ACLY: variants seen among roughly 807,000 people sequenced by gnomAD.
ACLY encodes the protein ATP-citrate synthase.
ACLY carries 41 observed loss-of-function variants against 133.0 expected under a neutral mutation model. That is an observed-to-expected ratio of 0.31 (90% CI 0.24 to 0.40). ACLY has a LOEUF of 0.40. ACLY is among the 10% of genes least tolerant of loss of function. The pLI is 1.00. For missense variants in ACLY, 1,046 were observed against 1,453.8 expected (o/e 0.72, Z 4.56); for synonymous variants, 495 against 549.3 (o/e 0.90, Z 1.38).
intron 10 of ACLY, among the ~76,000 whole-genome samples, chr17:41,903,432 T>C (rs982588773): frequency 6.6e-6 from 1 of 151,796 alleles, no homozygotes; most frequent in Non-Finnish European, 1.5e-5. Flanking sequence ...TTCCAATCTT[T>C]TGGAAAAAGG....
intron 7 of ACLY, among the ~76,000 whole-genome samples, 180 bp from the exon 8 acceptor site, chr17:41,906,826 A>C (rs1289267329): frequency 6.6e-6 from 1 of 152,190 alleles, no homozygotes; most frequent in Non-Finnish European, 1.5e-5. Context: ...TCCAAGTACC[A>C]AAAACACCCA....
intron 14 of ACLY, among the ~76,000 whole-genome samples, 162 bp downstream of exon 14, chr17:41,896,458 C>T (rs539468299): frequency 4.6e-5 from 7 of 152,188 alleles, no homozygotes; most frequent in Admixed American, 4.6e-4. Flanking sequence ...GGAGGAAGAG[C>T]GAAGACTTAG....
At chr17:41,882,391 A>AAAAAAAAAAAAAAAAAAAT (rs2048941475) in intron 20 of ACLY, among the ~76,000 whole-genome samples, 1 of 149,500 alleles carries the variant, frequency 6.7e-6, no homozygotes, top group Non-Finnish European at 1.5e-5. Context: ...AAAAAAAAAA[A>AAAAAAAAAAAAAAAAAAAT]AAAAAAGTTG....
chr17:41,897,870 G>GT (rs1358872414), intron 12 of ACLY, 31 bp from the exon 13 acceptor site: 33 of 1,590,918 alleles, frequency 2.1e-5, no homozygotes, highest in Non-Finnish European at 2.8e-5. Flanking sequence ...AGTGTAAGAG[G>GT]TAAGAGTCAC....
In ACLY at chr17:41,871,785, A is replaced by C; in HGVS notation, c.2841T>G (p.Ser947Arg). 1 of 1,614,094 alleles carries C rather than the reference A, an allele frequency of 6.2e-7. No homozygotes were observed. The highest frequency in any genetic ancestry group is 8.5e-7 in the Non-Finnish European group (1 of 1,179,996). Residue 947 changes from serine to arginine, a missense_variant, in exon 25 of 29, where the codon AGT becomes AGG. By Grantham distance (110) the Ser-to-Arg change is moderately radical (BLOSUM62 -1). Transcript: ENST00000352035. ...GALDAAAKMFSKAFDSGIIPM... is the reference protein window; with the variant it reads ...GALDAAAKMFRKAFDSGIIPM... ...GGATAATGCCACTGTCAAAGGCTTT[A>C]CTGAACATCTTGGCTGCTGCATCCA... is the stretch of plus-strand genomic sequence containing the variant.
intron 20 of ACLY, among the ~76,000 whole-genome samples, chr17:41,880,744 T>C (rs559529061): frequency 6.6e-6 from 1 of 151,910 alleles, no homozygotes; most frequent in South Asian, 2.1e-4. Flanking sequence ...TGGGCGTCTG[T>C]AATCCCAACT....
chr17:41,867,981 C>G, intron 28 of ACLY, 77 bp from the exon 29 acceptor site: 1 of 1,025,588 alleles, frequency 9.8e-7, no homozygotes, highest in Non-Finnish European at 1.4e-6. Flanking sequence ...GAAGGGAAAT[C>G]TTTCTAACAC....
chr17:41,886,674 A>G (rs1340342088), intron 17 of ACLY, among the ~76,000 whole-genome samples: 1 of 152,170 alleles, frequency 6.6e-6, no homozygotes, highest in African/African-American at 2.4e-5. Flanking sequence ...ACACTTCTGG[A>G]ATCCCAGCTA....
chr17:41,883,581 GCTTTT>G (rs2048975411), intron 19 of ACLY, among the ~76,000 whole-genome samples: 1 of 97,646 alleles, frequency 1.0e-5, no homozygotes, highest in Non-Finnish European at 2.0e-5. Context: ...CTTTTTTTTT[GCTTTT>G]TTTTTTTTTT....
intron 11 of ACLY, among the ~76,000 whole-genome samples, chr17:41,901,120 A>AATTTTTGTATTTTT (rs2049526450): frequency 6.6e-6 from 1 of 150,826 alleles, no homozygotes; most frequent in African/African-American, 2.4e-5. Context: ...ATGACCGGCT[A>AATTTTTGTATTTTT]ATTTTTGTAT....
At chr17:41,907,393 C>T (rs538792670) in intron 7 of ACLY, 49 bp downstream of exon 7, 9 of 1,568,294 alleles carry the variant, frequency 5.7e-6, no homozygotes. Context: ...TGAGTCACCT[C>T]CCCACCGCCC....
At chr17:41,909,154 G>A (rs1555633195) in intron 5 of ACLY, 86 bp from the exon 6 acceptor site, 53 of 990,452 alleles carry the variant, frequency 5.4e-5, no homozygotes. Context: ...ATCTCTCACT[G>A]CCACCGACAG....
intron 1 of ACLY, among the ~76,000 whole-genome samples, chr17:41,917,218 T>G (rs1368542054): frequency 1.3e-5 from 2 of 150,704 alleles, no homozygotes; most frequent in East Asian, 3.9e-4. Flanking sequence ...TTGGGACCGC[T>G]CCCCAGAACG....
At chr17:41,918,538 G>C (rs1598052115) in intron 1 of ACLY, among the ~76,000 whole-genome samples, 1 of 152,246 alleles carries the variant, frequency 6.6e-6, no homozygotes, top group African/African-American at 2.4e-5. Flanking sequence ...TGAGCCCGAG[G>C]AGCCTCGATA....
At chr17:41,874,103 C>T in intron 22 of ACLY, 138 bp from the exon 23 acceptor site, 1 of 909,006 alleles carries the variant, frequency 1.1e-6, no homozygotes, top group Middle Eastern at 3.7e-4. Flanking sequence ...TAACAACTCT[C>T]AAAGTTTTCC....
At chr17:41,919,380 T>C (rs1243261730), upstream of ACLY, among the ~76,000 whole-genome samples, 1 of 152,208 alleles carries the variant, frequency 6.6e-6, no homozygotes, top group Non-Finnish European at 1.5e-5. Context: ...GCTCCTTCCC[T>C]TGGGAGAAAC....
rs1555630724 is a variant in ACLY, at chr17:41,897,840, C to T, written c.1339-1G>A. 5.0e-6 allele frequency: 8 copies of T among 1,612,744 alleles called. No homozygotes were observed. The highest frequency in any genetic ancestry group is 6.8e-6 in the Non-Finnish European group (8 of 1,179,462). ...ATGCTGTCCTGCTGGGGGCTGGCGT[C>T]TGGGGTGAGATAAGGAGAGAGTGTA... On this transcript the variant is annotated splice_acceptor_variant, in intron 12 of 28. Transcript: ENST00000352035. LOFTEE classifies it high-confidence loss of function.
chr17:41,923,884 C>T (rs1598057459), upstream of ACLY, among the ~76,000 whole-genome samples: 1 of 152,100 alleles, frequency 6.6e-6, no homozygotes, highest in African/African-American at 2.4e-5. Flanking sequence ...GATCTGGGCT[C>T]ACTTCAACCT....
At chr17:41,914,063 A>G (rs989009318) in intron 1 of ACLY, among the ~76,000 whole-genome samples, 167 bp from the exon 2 acceptor site, 10 of 152,242 alleles carry the variant, frequency 6.6e-5, no homozygotes, top group Non-Finnish European at 1.3e-4. Flanking sequence ...TGGAAGAGAG[A>G]TATCAAGCAG....
Sources: gnomAD v4.1 joint callset for allele counts (sites outside exome capture counted in the v4.1 genomes callset) on GRCh38, gnomAD v4.1.1 for gene constraint, MANE v1.5 for transcripts, NCBI Gene and HGNC (gene_info 2026-07-23, HGNC 2026-07-21) for gene names.